Variants in PAM observed in about 807,000 individuals in gnomAD.
The protein encoded by PAM is peptidylglycine alpha-amidating monooxygenase, also known as peptidyl-glycine alpha-amidating monooxygenase.
A neutral mutation model predicts 122.1 loss-of-function variants in PAM; 72 were observed. The ratio of observed to expected loss-of-function variants is 0.59; its 90% CI spans 0.49 to 0.72. PAM has a LOEUF of 0.72. Among genes scored for constraint, PAM ranks in the 30% least tolerant of loss-of-function variants. The probability of loss-of-function intolerance (pLI) is 0.00; values close to 1 mark genes in which losing one functional copy is unlikely to be tolerated. For synonymous variants in PAM, 389 were observed against 404.4 expected, an observed-to-expected ratio of 0.96 and a Z score of 0.46; for missense variants, 1,106 against 1,183.7, an observed-to-expected ratio of 0.93 and a Z score of 0.96.
chr5:102,973,401 T>A (rs908054916), intron 14 of PAM, among the ~76,000 whole-genome samples: 6 of 152,338 alleles, frequency 3.9e-5, no homozygotes, highest in African/African-American at 1.2e-4. Flanking sequence ...CCAAGTTTAC[T>A]CCTTAATACA....
chr5:102,862,269 A>G (rs985698019), intron 1 of PAM, among the ~76,000 whole-genome samples: 7 of 148,030 alleles, frequency 4.7e-5, no homozygotes, highest in East Asian at 2.0e-4. Flanking sequence ...TTTTGTAACT[A>G]TAAGTTTTTT....
chr5:102,883,816 T>C (rs1792094569), intron 3 of PAM, among the ~76,000 whole-genome samples: 1 of 151,948 alleles, frequency 6.6e-6, no homozygotes, highest in African/African-American at 2.4e-5. Context: ...TGTGTTCAAC[T>C]TTTCCCCATT....
intron 7 of PAM, among the ~76,000 whole-genome samples, chr5:102,941,685 T>A (rs1273051426): frequency 6.6e-6 from 1 of 152,156 alleles, no homozygotes; most frequent in East Asian, 1.9e-4. Context: ...AACTAATTTT[T>A]AAAAAAATCT....
At chr5:102,906,962 T>G (rs1229851687) in intron 4 of PAM, among the ~76,000 whole-genome samples, 1 of 151,770 alleles carries the variant, frequency 6.6e-6, no homozygotes, top group Non-Finnish European at 1.5e-5. Context: ...TGAAGTCTAT[T>G]GATTCTTTGA....
intron 15 of PAM, among the ~76,000 whole-genome samples, chr5:102,986,678 C>A (rs1771931062): frequency 6.6e-6 from 1 of 152,106 alleles, no homozygotes; most frequent in African/African-American, 2.4e-5. Flanking sequence ...TGTGTACCCA[C>A]CCAAATCTCA....
chr5:102,945,154 A>G (rs1756611267), intron 7 of PAM, among the ~76,000 whole-genome samples: 1 of 152,088 alleles, frequency 6.6e-6, no homozygotes. Context: ...TCTCAGTTGT[A>G]GACTACTTAG....
At chr5:102,798,405 C>T (rs1372988137) in intron 1 of PAM, among the ~76,000 whole-genome samples, 1 of 151,928 alleles carries the variant, frequency 6.6e-6, no homozygotes, top group Non-Finnish European at 1.5e-5. Flanking sequence ...TTATTTATTC[C>T]CTTAGGTAAT....
intron 1 of PAM, among the ~76,000 whole-genome samples, chr5:102,816,771 A>AAT (rs1308541136): frequency 6.6e-6 from 1 of 152,122 alleles, no homozygotes; most frequent in Non-Finnish European, 1.5e-5. Context: ...CTTCTCTATT[A>AAT]AAACTCACTC....
chr5:102,967,886 C>G (rs1764603437), intron 14 of PAM, among the ~76,000 whole-genome samples: 2 of 151,948 alleles, frequency 1.3e-5, no homozygotes, highest in Admixed American at 1.3e-4. Context: ...CCACCCCCAG[C>G]TAATTTTTGT....
intron 4 of PAM, among the ~76,000 whole-genome samples, chr5:102,902,483 A>G (rs2151424433): frequency 6.6e-6 from 1 of 151,730 alleles, no homozygotes; most frequent in African/African-American, 2.4e-5. Flanking sequence ...GTTTTGTATA[A>G]TATTTGGACA....
At chr5:103,017,571 AC>A in intron 22 of PAM, 138 bp downstream of exon 22, 1 of 614,618 alleles carries the variant, frequency 1.6e-6, no homozygotes, top group East Asian at 2.8e-5. Context: ...TTGTTAAAAG[AC>A]CTATTTGGTG....
At chr5:102,975,319 A>T (rs190759582) in intron 15 of PAM, among the ~76,000 whole-genome samples, 1 of 152,330 alleles carries the variant, frequency 6.6e-6, no homozygotes, top group African/African-American at 2.4e-5. Context: ...GTAGGAGGCC[A>T]TAAATTATTC....
chr5:102,807,566 T>C (rs1766569225), intron 1 of PAM, among the ~76,000 whole-genome samples: 1 of 152,132 alleles, frequency 6.6e-6, no homozygotes, highest in African/African-American at 2.4e-5. Flanking sequence ...TCTGGATAAG[T>C]GATGTATTGG....
At chr5:102,997,919 G>T (rs1463129334) in intron 16 of PAM, among the ~76,000 whole-genome samples, 1 of 152,168 alleles carries the variant, frequency 6.6e-6, no homozygotes, top group Non-Finnish European at 1.5e-5. Context: ...AGGACTGTGG[G>T]TCTGTTATTT....
At chr5:102,836,279 T>G (rs1027892360) in intron 1 of PAM, among the ~76,000 whole-genome samples, 2 of 152,248 alleles carry the variant, frequency 1.3e-5, no homozygotes, top group Non-Finnish European at 2.9e-5. Flanking sequence ...TTTTCACTTT[T>G]CTGTTGAAAT....
chr5:102,938,506 A>G (rs994083023), intron 7 of PAM, among the ~76,000 whole-genome samples: 1 of 152,198 alleles, frequency 6.6e-6, no homozygotes, highest in Non-Finnish European at 1.5e-5. Flanking sequence ...TTGGGAAAAG[A>G]AAAGCTTTCC....
chr5:102,990,389 T>G lies in PAM; in HGVS notation c.1601T>G (p.Val534Gly). The change falls in exon 16 of 26, where the codon GTC becomes GGC. Residue 534 changes from valine to glycine, a missense_variant. Coordinates refer to ENST00000438793, the MANE Select transcript of PAM (RefSeq NM_001177306.2). ...NLVIFHRGDH[V>G]WDGNSFDSKF... The stretch of plus-strand genomic sequence containing the variant: ...GTGATTTTCCACAGAGGTGACCATG[T>G]CTGGGATGGAAAGTAAGTAATATTT... The G allele has an allele frequency of 1.3e-6, 2 of 1,595,292 alleles. No individual in the cohort carries two copies. The highest frequency in any genetic ancestry group is 1.7e-5 in the Admixed American group (1 of 58,042).
At chr5:102,791,758 C>T (rs1253357732) in intron 1 of PAM, among the ~76,000 whole-genome samples, 2 of 152,182 alleles carry the variant, frequency 1.3e-5, no homozygotes, top group South Asian at 2.1e-4. Context: ...CTTCTTTCAA[C>T]CCTGGGTTGA....
chr5:102,962,234 C>T (rs554140977), intron 14 of PAM, among the ~76,000 whole-genome samples: 8 of 151,780 alleles, frequency 5.3e-5, no homozygotes, highest in South Asian at 2.1e-4. Flanking sequence ...AATTATACAG[C>T]GGATGTTTTA....
Sources: allele counts gnomAD v4.1 joint callset (sites outside exome capture counted in the v4.1 genomes callset), GRCh38; gene constraint gnomAD v4.1.1; transcripts MANE v1.5; gene names NCBI Gene and HGNC (gene_info 2026-07-23, HGNC 2026-07-21).